Variants in FGFR1 observed in about 807,000 individuals in gnomAD.
The protein encoded by FGFR1 is fibroblast growth factor receptor 1.
FGFR1 carries 18 observed loss-of-function variants against 93.7 expected under a neutral mutation model. The observed-to-expected ratio is 0.19, with a 90% confidence interval of 0.13 to 0.28. FGFR1 has a LOEUF of 0.28. FGFR1 is among the 10% of genes least tolerant of loss of function. The pLI, the probability that FGFR1 is intolerant of heterozygous loss-of-function variation, is 1.00. For synonymous variants in FGFR1, 448 were observed against 429.3 expected (o/e 1.04, Z -0.54); for missense variants, 731 against 1,080.4 (o/e 0.68, Z 4.53).
At chr8:38,443,496 C>CA (rs57381266) in intron 2 of FGFR1, among the ~76,000 whole-genome samples, 1,189 of 104,972 alleles carry the variant, frequency 0.011, 12 homozygotes, top group African/African-American at 0.026. Flanking sequence ...CTCATCTCTA[C>CA]AAAAAAAAAA....
At chr8:38,440,259 GTTT>G in intron 2 of FGFR1, 1 of 1,552,686 alleles carries the variant, frequency 6.4e-7, no homozygotes. Context: ...CTCTGCAGAG[GTTT>G]TTTTATTACG....
chr8:38,450,213 G>A (rs572548873), intron 2 of FGFR1, among the ~76,000 whole-genome samples: 75 of 152,286 alleles, frequency 4.9e-4, no homozygotes, highest in African/African-American at 1.8e-3. Context: ...GGGATTGCCT[G>A]CCTGCAAGTT....
At chr8:38,446,090 A>G (rs886075926) in intron 2 of FGFR1, among the ~76,000 whole-genome samples, 1 of 151,928 alleles carries the variant, frequency 6.6e-6, no homozygotes. Flanking sequence ...AGAGCAGGAG[A>G]GCATTCCAGG....
intron 1 of FGFR1, chr8:38,461,050 G>A (rs1265483375): frequency 1.3e-6 from 2 of 1,535,158 alleles, no homozygotes; most frequent in East Asian, 2.4e-5. Flanking sequence ...GCAGAGAGGG[G>A]GCACATCTCA....
rs2151349614 is a variant in FGFR1 at position 38,457,474 on chromosome 8, C to G, written c.-28G>C. 2 of 1,613,562 alleles carry G rather than the reference C, an allele frequency of 1.2e-6. No individual in the cohort carries two copies. The highest frequency in any genetic ancestry group is 1.7e-6 in the Non-Finnish European group (2 of 1,179,872). ...CAGTTCTGCAGTTAGAGGTTGGTGACAAGGCTCCACATCTCCATGGATACT... is the reference window on the plus strand; with the variant it reads ...CAGTTCTGCAGTTAGAGGTTGGTGAGAAGGCTCCACATCTCCATGGATACT... On this transcript the variant is annotated 5_prime_UTR_variant, in exon 2 of 18. Coordinates refer to ENST00000447712, the MANE Select transcript of FGFR1 (RefSeq NM_023110.3).
chr8:38,424,276 C>G lies in FGFR1; in HGVS notation c.936+233G>C, dbSNP rs1276886486. 1.4e-6 allele frequency: 1 copy of G among 692,054 alleles called. No homozygotes were observed. 42.9% of individuals were successfully genotyped at this position (692,054 alleles called of 1,614,324 possible). Reference sequence around the variant, plus strand: ...CGTTGCTCTCAAAGCTTATTACAGACCAGCACCACCCATCCCTGCAGCCCT... The same window carrying G: ...CGTTGCTCTCAAAGCTTATTACAGAGCAGCACCACCCATCCCTGCAGCCCT... On this transcript the variant is annotated intron_variant, in intron 7 of 17. Coordinates refer to ENST00000447712, the MANE Select transcript of FGFR1 (RefSeq NM_023110.3). This position sits in a 1 kb window ranked among gnomAD's most constrained non-coding sequence, Gnocchi z 4.3.
At chr8:38,417,173 A>G (rs984634473) in intron 12 of FGFR1, 133 bp downstream of exon 12, 17 of 759,880 alleles carry the variant, frequency 2.2e-5, no homozygotes, top group Non-Finnish European at 3.6e-5. Flanking sequence ...GAGATAACAC[A>G]TTTTAAACCT....
At chr8:38,421,772 CGA>C in intron 8 of FGFR1, 23 bp downstream of exon 8, 1 of 1,613,710 alleles carries the variant, frequency 6.2e-7, no homozygotes, top group African/African-American at 1.3e-5. Flanking sequence ...GGCAGGACAT[CGA>C]GAGGAGAAGT....
chr8:38,425,812 G>A (rs1268988124), intron 6 of FGFR1: 10 of 418,148 alleles, frequency 2.4e-5, no homozygotes, highest in Non-Finnish European at 4.5e-5. Flanking sequence ...CTAGCATTAA[G>A]CGACAGCTCC....
rs77734798 is a variant in FGFR1, at chr8:38,428,411, T to C, written c.383A>G (p.Asp128Gly). Reference sequence around the variant, plus strand: ...TGAAGAGGAGTCATCATCATCATCATCATCCTCCGAGGAGGGGAGAGCATC... The same window carrying C: ...TGAAGAGGAGTCATCATCATCATCACCATCCTCCGAGGAGGGGAGAGCATC... ...VSDALPSSED[D>G]DDDDDSSSEE... Residue 128 changes from aspartate (D) to glycine (G), a missense_variant, in exon 4 of 18, where the codon GAT (aspartate) becomes GGT (glycine). Around this residue, in one of 10 missense-constraint regions of FGFR1, gnomAD observed 212 missense variants for 205.8 expected, o/e 1.03. Transcript: ENST00000447712. 2 of 1,613,664 alleles carry C rather than the reference T, an allele frequency of 1.2e-6. No homozygotes were observed. Among genetic ancestry groups the C allele is most frequent in the South Asian group, 2.2e-5 (2 of 91,062 alleles).
At position 38,426,805 on chromosome 8, in the gene FGFR1, A is replaced by T. The variant is rs1371946681; in HGVS notation, c.622-560T>A. 6.6e-6 allele frequency among the ~76,000 whole-genome samples: 1 copy of T among 152,194 alleles called. No individual in the cohort carries two copies. Among genetic ancestry groups the T allele is most frequent in the African/African-American group, 2.4e-5 (1 of 41,442 alleles). On this transcript the variant is annotated intron_variant, in intron 5 of 17. Transcript: ENST00000447712. This position sits in a 1 kb window ranked among gnomAD's most constrained non-coding sequence, Gnocchi z 4.1. Reference sequence around the variant, plus strand: ...ATGGTGTCTTGCATGTAGTGAGTGCATGGTGAATTAATTTAAAATATTTCT... The same window carrying T: ...ATGGTGTCTTGCATGTAGTGAGTGCTTGGTGAATTAATTTAAAATATTTCT...
rs1563603410 is a variant in FGFR1 at position 38,451,113 on chromosome 8, G to T, written c.91+6243C>A. 2.6e-5 allele frequency among the ~76,000 whole-genome samples: 4 copies of T among 152,280 alleles called. No individual in the cohort carries two copies. The South Asian group carries it at 8.3e-4, about 32-fold the overall frequency. ...ATCCTCCACCCTTGTTCTCAAGAGG[G>T]TCATCTGACATCACCTTTTGCTCCA... On this transcript the variant is annotated intron_variant, in intron 2 of 17. Coordinates refer to ENST00000447712, the MANE Select transcript of FGFR1 (RefSeq NM_023110.3).
intron 7 of FGFR1, chr8:38,422,941 C>A (rs1273881019): frequency 2.7e-6 from 2 of 736,288 alleles, no homozygotes; most frequent in South Asian, 1.5e-5. Context: ...CAAGGACAGT[C>A]CAGTACTGGC....
At chr8:38,447,098 AACACACACACACACACACACACAC>A (rs57917657) in intron 2 of FGFR1, among the ~76,000 whole-genome samples, 121 of 133,362 alleles carry the variant, frequency 9.1e-4, no homozygotes, top group Middle Eastern at 3.6e-3. Context: ...ACTGCAAGCA[AACACACACACACACACACACACAC>A]ACACACACAC....
intron 1 of FGFR1, among the ~76,000 whole-genome samples, chr8:38,461,776 G>A (rs547017094): frequency 1.3e-5 from 2 of 152,304 alleles, no homozygotes; most frequent in East Asian, 1.9e-4. Context: ...GTGGGTGACT[G>A]TGCCCATTCT....
intron 2 of FGFR1, among the ~76,000 whole-genome samples, chr8:38,444,512 C>T (rs534698543): frequency 5.3e-5 from 8 of 151,718 alleles, no homozygotes; most frequent in African/African-American, 9.7e-5. Flanking sequence ...CCTCAGCCCC[C>T]CAAGCAGCTG....
At chr8:38,451,081 G>A (rs1830919694) in intron 2 of FGFR1, among the ~76,000 whole-genome samples, 2 of 152,156 alleles carry the variant, frequency 1.3e-5, no homozygotes, top group Non-Finnish European at 2.9e-5. Flanking sequence ...GATTTCTAGA[G>A]GCCTAAATCC....
Position 38,443,173 on chromosome 8 carries a change from C to T in FGFR1, c.92-13225G>A, listed in dbSNP as rs145404317. ...ATGGATGGTGGTGATGGCTACACAGCGTGAATAAATTTTATGCTACAAAAC... is the reference window on the plus strand; with the variant it reads ...ATGGATGGTGGTGATGGCTACACAGTGTGAATAAATTTTATGCTACAAAAC... On this transcript the variant is annotated intron_variant, in intron 2 of 17. Coordinates refer to ENST00000447712, the MANE Select transcript of FGFR1 (RefSeq NM_023110.3). Among the ~76,000 whole-genome samples, 3 of 152,006 alleles carry T rather than the reference C, an allele frequency of 2.0e-5. No individual in the cohort carries two copies. In the South Asian group the frequency reaches 6.2e-4, roughly 32 times the overall value.
At chr8:38,420,894 TGAG>T (rs1818500959) in intron 8 of FGFR1, among the ~76,000 whole-genome samples, 1 of 152,010 alleles carries the variant, frequency 6.6e-6, no homozygotes, top group Admixed American at 6.6e-5. Context: ...TCCCTGATGT[TGAG>T]GAACGAAGAC....
Sources: allele counts gnomAD v4.1 joint callset (sites outside exome capture counted in the v4.1 genomes callset), GRCh38; gene constraint gnomAD v4.1.1; regional missense constraint gnomAD v4.1.1; non-coding constraint Gnocchi (gnomAD v3.1); transcripts MANE v1.5; gene names NCBI Gene and HGNC (gene_info 2026-07-23, HGNC 2026-07-21).